The following FRMD4A variants were observed in gnomAD, a reference collection of about 807,000 sequenced individuals.
The protein encoded by FRMD4A is FERM domain-containing protein 4A.
Under a neutral mutation model 129.1 loss-of-function variants are expected in FRMD4A, and 29 were observed. That is an observed-to-expected ratio of 0.22 (90% CI 0.17 to 0.31). The LOEUF is 0.31. FRMD4A is among the 10% of genes least tolerant of loss of function. The pLI is 1.00. For synonymous variants in FRMD4A, 634 were observed against 571.6 expected (o/e 1.11, Z -1.56); for missense variants, 1,272 against 1,375.8 (o/e 0.92, Z 1.19).
In FRMD4A at chr10:14,209,791, G is replaced by A. The variant is rs577097852; in HGVS notation, c.45+120267C>T. On this transcript the variant is annotated intron_variant, in intron 2 of 24. Transcript: ENST00000357447. ...GTCCCAGCTAATCCCAGGAGACTGA[G>A]GTGAGAGGACCACTTGAACCCAGGA... Among the ~76,000 whole-genome samples, 10 of 152,102 alleles carry A rather than the reference G, an allele frequency of 6.6e-5. No homozygotes were observed. The South Asian group carries it at 2.1e-3, about 32-fold the overall frequency.
intron 2 of FRMD4A, among the ~76,000 whole-genome samples, chr10:13,910,888 G>GAA (rs141449954): frequency 1.4e-4 from 12 of 83,100 alleles, no homozygotes; most frequent in African/African-American, 5.5e-4. Flanking sequence ...GGAGTTTCAT[G>GAA]AAAAAAAAAA....
intron 2 of FRMD4A, among the ~76,000 whole-genome samples, chr10:13,992,952 C>CCA (rs2095608692): frequency 4.5e-5 from 3 of 65,986 alleles, no homozygotes; most frequent in African/African-American, 2.1e-4. Flanking sequence ...GACTCTGTCT[C>CCA]AAAAAAAAAA....
intron 6 of FRMD4A, among the ~76,000 whole-genome samples, chr10:13,776,160 T>C (rs1211143442): frequency 1.3e-5 from 2 of 152,174 alleles, no homozygotes; most frequent in Non-Finnish European, 2.9e-5. Flanking sequence ...TGGAGTGCAG[T>C]AGTGTGATCT....
intron 15 of FRMD4A, chr10:13,692,773 TA>T (rs2085833976): frequency 6.6e-6 from 1 of 152,248 alleles, no homozygotes; most frequent in African/African-American, 2.4e-5. Context: ...TATAGTAATA[TA>T]AATTACCAGG....
At chr10:14,272,673 A>G (rs1845203363) in intron 2 of FRMD4A, among the ~76,000 whole-genome samples, 1 of 152,212 alleles carries the variant, frequency 6.6e-6, no homozygotes, top group Non-Finnish European at 1.5e-5. Context: ...AACCTAGTGC[A>G]GCTACATTCC....
chr10:13,836,915 G>A (rs1320867034), intron 3 of FRMD4A, among the ~76,000 whole-genome samples: 3 of 146,140 alleles, frequency 2.1e-5, no homozygotes, highest in South Asian at 2.2e-4. Flanking sequence ...CCGCCACCAC[G>A]CCCGGCTAAT....
chr10:13,997,273 A>T (rs1167616744), intron 2 of FRMD4A, among the ~76,000 whole-genome samples: 1 of 152,166 alleles, frequency 6.6e-6, no homozygotes, highest in Non-Finnish European at 1.5e-5. Flanking sequence ...TTGGTGCTAT[A>T]GGGAGAAAAC....
intron 2 of FRMD4A, among the ~76,000 whole-genome samples, chr10:14,086,034 T>C (rs1158362809): frequency 6.6e-6 from 1 of 152,180 alleles, no homozygotes; most frequent in Non-Finnish European, 1.5e-5. Context: ...CTGTTTCCTA[T>C]CTAAAGGCAT....
At chr10:14,052,016 T>C (rs1050427748) in intron 2 of FRMD4A, among the ~76,000 whole-genome samples, 2 of 152,168 alleles carry the variant, frequency 1.3e-5, no homozygotes, top group African/African-American at 4.8e-5. Flanking sequence ...CTTAATGCAG[T>C]ATAGCTGGTA....
At chr10:13,939,289 A>G (rs2095272816) in intron 2 of FRMD4A, among the ~76,000 whole-genome samples, 3 of 152,172 alleles carry the variant, frequency 2.0e-5, no homozygotes, top group African/African-American at 7.2e-5. Flanking sequence ...TTTTAGTTAT[A>G]TTTTGGATCT....
chr10:14,232,258 CT>C (rs2131989568), intron 2 of FRMD4A, among the ~76,000 whole-genome samples: 2 of 152,176 alleles, frequency 1.3e-5, no homozygotes, highest in South Asian at 4.2e-4. Flanking sequence ...AGCTTTTTTT[CT>C]TGGTTCTGTA....
chr10:14,280,534 A>G (rs766658289), intron 2 of FRMD4A, among the ~76,000 whole-genome samples: 2 of 152,154 alleles, frequency 1.3e-5, no homozygotes, highest in African/African-American at 2.4e-5. Context: ...CATACAAGTC[A>G]ATTTTTAAAA....
chr10:13,694,073 A>G, intron 14 of FRMD4A, 34 bp from the exon 15 acceptor site: 7 of 1,488,200 alleles, frequency 4.7e-6, no homozygotes, highest in Non-Finnish European at 6.2e-6. Context: ...CAAAGAAGTG[A>G]CGCTCACCTT....
At chr10:14,281,242 T>C (rs1845510532) in intron 2 of FRMD4A, among the ~76,000 whole-genome samples, 1 of 152,168 alleles carries the variant, frequency 6.6e-6, no homozygotes, top group East Asian at 1.9e-4. Flanking sequence ...TCTGCCAGCC[T>C]TGGCCTCCCA....
Position 14,082,825 on chromosome 10 carries a change from CTCCAAAGGTCT to C in FRMD4A, c.46-223924_46-223914del, listed in dbSNP as rs536084638. ...TTGGCTGTGACTGATCTGCAGTGCC[CTCCAAAGGTCT>C]GACAAAGATCTGAGCAAATAGATTT... On this transcript the variant is annotated intron_variant, in intron 2 of 24. Transcript: ENST00000357447. 4.6e-5 allele frequency: 7 copies of C among 152,324 alleles called. No individual in the cohort carries two copies. In the South Asian group the frequency reaches 1.5e-3, roughly 32 times the overall value. The allele number at this position is 152,324 out of a possible 1,614,324, so 9.4% of individuals were successfully genotyped here.
Position 13,676,270 on chromosome 10 carries a change from C to CT in FRMD4A, c.1118-1227dup, listed in dbSNP as rs1208513827. 7.3e-3 allele frequency among the ~76,000 whole-genome samples: 1,078 copies of CT among 148,214 alleles called. 24 individuals are homozygous for CT. The highest frequency in any genetic ancestry group is 0.024 in the African/African-American group (976 of 40,318). The stretch of plus-strand genomic sequence containing the variant: ...TGATTATAACTTTTCTTTTCTTTTT[C>CT]TTTTTTTTTTCAGACAGTTTCACTC... On this transcript the variant is annotated intron_variant, in intron 15 of 24. Coordinates refer to ENST00000357447, the MANE Select transcript of FRMD4A (RefSeq NM_018027.5).
intron 19 of FRMD4A, among the ~76,000 whole-genome samples, chr10:13,662,179 G>T (rs1051580834): frequency 6.6e-6 from 1 of 152,090 alleles, no homozygotes; most frequent in Non-Finnish European, 1.5e-5. Flanking sequence ...GAGGCCAACC[G>T]CAGGGCTGGG....
chr10:14,257,582 G>A (rs1012753510), intron 2 of FRMD4A, among the ~76,000 whole-genome samples: 4 of 152,182 alleles, frequency 2.6e-5, no homozygotes, highest in African/African-American at 9.7e-5. Flanking sequence ...GATATTTGCA[G>A]GTGTAATTAG....
intron 2 of FRMD4A, among the ~76,000 whole-genome samples, chr10:14,223,501 G>A (rs1843329986): frequency 6.6e-6 from 1 of 152,156 alleles, no homozygotes; most frequent in South Asian, 2.1e-4. Flanking sequence ...CAGCACTTTT[G>A]GAGGTCAAGG....
Sources: allele counts gnomAD v4.1 joint callset (sites outside exome capture counted in the v4.1 genomes callset), GRCh38; gene constraint gnomAD v4.1.1; transcripts MANE v1.5; gene names NCBI Gene and HGNC (gene_info 2026-07-23, HGNC 2026-07-21).